Variants in NAV2 observed in about 807,000 individuals in gnomAD.
NAV2 encodes neuron navigator 2, also known as helicase, APC down-regulated 1.
Under a neutral mutation model 223.2 loss-of-function variants are expected in NAV2, and 54 were observed. The ratio of observed to expected loss-of-function variants is 0.24; its 90% CI spans 0.19 to 0.30. The LOEUF (loss-of-function observed/expected upper bound fraction) is 0.30. NAV2 is among the 10% of genes least tolerant of loss of function. NAV2 has a pLI of 1.00. For synonymous variants in NAV2, 1,279 were observed against 1,239.3 expected, an observed-to-expected ratio of 1.03 and a Z score of -0.67; for missense variants, 2,806 against 3,147.5, an observed-to-expected ratio of 0.89 and a Z score of 2.60.
chr11:19,357,900 C>T (rs1853710457), intron 1 of NAV2, among the ~76,000 whole-genome samples: 1 of 152,156 alleles, frequency 6.6e-6, no homozygotes, highest in African/African-American at 2.4e-5. Flanking sequence ...TTACAGGTTG[C>T]ATTTTTACTT....
intron 1 of NAV2, among the ~76,000 whole-genome samples, chr11:19,432,251 A>G (rs927321823): frequency 9.3e-5 from 14 of 151,236 alleles, no homozygotes. Context: ...TGTGAATGTG[A>G]TGAAAACCCA....
At position 20,105,572 on chromosome 11, in the gene NAV2, T is replaced by C. The variant is rs1417662180; in HGVS notation, c.6686T>C (p.Phe2229Ser). The part of the protein sequence containing the change: ...CANHTEPVKG[F>S]LGRFLRRKLM... ...AACCACACGGAGCCTGTGAAGGGTT[T>C]CCTTGGCCGATTCCTGAGGAGGAAG... The change falls in exon 35 of 38, where the codon TTC becomes TCC. Residue 2229 changes from phenylalanine to serine, a missense_variant. Coordinates refer to ENST00000349880, the MANE Select transcript of NAV2 (RefSeq NM_145117.5). The C allele has an allele frequency of 5.0e-6, 8 of 1,614,148 alleles. No individual in the cohort carries two copies. The highest frequency in any genetic ancestry group is 6.8e-6 in the Non-Finnish European group (8 of 1,180,018).
rs114626615 is a variant in NAV2, at chr11:19,617,828, C to T, written c.76-214656C>T. Among the ~76,000 whole-genome samples, 354 of 152,242 alleles carry T rather than the reference C, an allele frequency of 2.3e-3. 3 individuals carry two copies. Among genetic ancestry groups the T allele is most frequent in the African/African-American group, 8.3e-3 (343 of 41,528 alleles). ...GCTAAGTCCCTACACAATCTGACTT[C>T]CTCTCCTATCACTCCCCTCAGGCCA... On this transcript the variant is annotated intron_variant, in intron 1 of 37. Transcript: ENST00000360655.
At chr11:19,387,200 G>C (rs1472835054) in intron 1 of NAV2, among the ~76,000 whole-genome samples, 1 of 152,164 alleles carries the variant, frequency 6.6e-6, no homozygotes, top group Non-Finnish European at 1.5e-5. Flanking sequence ...TCCATATCCT[G>C]CTGGGTAGGT....
chr11:19,860,954 A>G (rs1240093655), intron 3 of NAV2, among the ~76,000 whole-genome samples: 1 of 145,000 alleles, frequency 6.9e-6, no homozygotes, highest in Non-Finnish European at 1.5e-5. Flanking sequence ...TCAGGCAGGG[A>G]GGTTGCAGTG....
intron 4 of NAV2, among the ~76,000 whole-genome samples, chr11:19,869,586 T>C (rs2062336992): frequency 6.6e-6 from 1 of 152,202 alleles, no homozygotes; most frequent in South Asian, 2.1e-4. Context: ...GTTCGAATTC[T>C]CAGCCACCTC....
chr11:19,456,704 C>G (rs539017798), intron 1 of NAV2, among the ~76,000 whole-genome samples: 1 of 152,318 alleles, frequency 6.6e-6, no homozygotes, highest in African/African-American at 2.4e-5. Context: ...TGTCTGACCT[C>G]CCAGGTAAAA....
At chr11:19,454,844 C>T (rs1851906642) in intron 1 of NAV2, among the ~76,000 whole-genome samples, 2 of 152,294 alleles carry the variant, frequency 1.3e-5, no homozygotes, top group East Asian at 1.9e-4. Context: ...GAGAGAACAG[C>T]ATGTACAAAG....
chr11:20,014,660 C>T (rs955435615), intron 11 of NAV2, among the ~76,000 whole-genome samples: 7 of 152,120 alleles, frequency 4.6e-5, no homozygotes, highest in Non-Finnish European at 7.3e-5. Flanking sequence ...CCAGCCCTTT[C>T]GGAGGCCAAG....
At chr11:19,962,606 A>G (rs1476585494) in intron 10 of NAV2, among the ~76,000 whole-genome samples, 1 of 152,172 alleles carries the variant, frequency 6.6e-6, no homozygotes, top group Admixed American at 6.5e-5. Context: ...TGGAAGAATC[A>G]TTGCATCCCT....
At chr11:19,890,860 C>T (rs965984176) in intron 5 of NAV2, among the ~76,000 whole-genome samples, 1 of 152,198 alleles carries the variant, frequency 6.6e-6, no homozygotes, top group African/African-American at 2.4e-5. Context: ...CGTTCTGTGC[C>T]TGTCTTTGTG....
chr11:19,549,932 C>G (rs1013740172), intron 1 of NAV2, among the ~76,000 whole-genome samples: 1 of 152,186 alleles, frequency 6.6e-6, no homozygotes, highest in Non-Finnish European at 1.5e-5. Flanking sequence ...AACAGGAGAG[C>G]AAAAGAAGGG....
chr11:19,479,050 C>A (rs557155693), intron 1 of NAV2, among the ~76,000 whole-genome samples: 4 of 152,196 alleles, frequency 2.6e-5, no homozygotes, highest in Admixed American at 2.6e-4. Flanking sequence ...TTGCCCCAGC[C>A]AGCTGGGTGG....
chr11:19,926,527 G>A (rs2707081), intron 6 of NAV2, among the ~76,000 whole-genome samples: 51,072 of 151,826 alleles, frequency 0.34, 9,188 homozygotes, highest in Middle Eastern at 0.45. Flanking sequence ...TAAGTGGATC[G>A]AGACAGGTTC....
At chr11:19,509,551 C>T (rs1014673278) in intron 1 of NAV2, among the ~76,000 whole-genome samples, 3 of 152,170 alleles carry the variant, frequency 2.0e-5, no homozygotes, top group South Asian at 2.1e-4. Context: ...CTTGTATTCC[C>T]GCACCGATGG....
chr11:19,762,343 A>C (rs1291052611), intron 1 of NAV2, among the ~76,000 whole-genome samples: 1 of 152,218 alleles, frequency 6.6e-6, no homozygotes, highest in Non-Finnish European at 1.5e-5. Flanking sequence ...CTGTCAGCAT[A>C]AAGATCCAAA....
At chr11:19,494,346 A>G (rs1371137739) in intron 1 of NAV2, among the ~76,000 whole-genome samples, 2 of 152,004 alleles carry the variant, frequency 1.3e-5, no homozygotes, top group African/African-American at 4.8e-5. Context: ...TGGCCCATAA[A>G]TTTTTCTTTC....
In NAV2 at chr11:19,398,820, C is replaced by A. The variant is rs372631429; in HGVS notation, c.75+47793C>A. ...GGGGATCCGGGCCCCTCCTTCCCCC[C>A]ACAGACACACTCACAGCTAGTGGGT... is the stretch of plus-strand genomic sequence containing the variant. On this transcript the variant is annotated intron_variant, in intron 1 of 37. Transcript: ENST00000360655. Among the ~76,000 whole-genome samples, 6 of 152,214 alleles carry A rather than the reference C, an allele frequency of 3.9e-5. No individual in the cohort carries two copies. The East Asian group carries it at 7.7e-4, about 20-fold the overall frequency.
At chr11:19,376,446 C>T (rs949701148) in intron 1 of NAV2, among the ~76,000 whole-genome samples, 3 of 152,110 alleles carry the variant, frequency 2.0e-5, no homozygotes, top group Non-Finnish European at 4.4e-5. Flanking sequence ...GAGGAGGAGA[C>T]GAGGGCACAG....
Sources: gnomAD v4.1 joint callset for allele counts (sites outside exome capture counted in the v4.1 genomes callset) on GRCh38, gnomAD v4.1.1 for gene constraint, MANE v1.5 for transcripts, NCBI Gene and HGNC (gene_info 2026-07-23, HGNC 2026-07-21) for gene names.